The following FARS2 variants were observed in gnomAD, a reference collection of about 807,000 sequenced individuals.
FARS2 encodes the protein phenylalanyl-tRNA synthetase 2, mitochondrial.
Under a neutral mutation model 46.4 loss-of-function variants are expected in FARS2, and 40 were observed. That is an observed-to-expected ratio of 0.86 (90% confidence interval 0.67 to 1.12). The LOEUF is 1.12. FARS2 is among the 50% of genes most tolerant of loss of function. The pLI is 0.00. For missense variants in FARS2, 513 were observed against 567.9 expected (o/e 0.90, Z 0.98); for synonymous variants, 234 against 214.9 (o/e 1.09, Z -0.78).
intron 1 of FARS2, among the ~76,000 whole-genome samples, chr6:5,341,235 A>ATATATATATATTTTTT (rs1561970178): frequency 9.7e-5 from 1 of 10,274 alleles, no homozygotes; most frequent in Non-Finnish European, 2.0e-4. Flanking sequence ...ATATATATAT[A>ATATATATATATTTTTT]TTTTTTTTTT....
At chr6:5,561,548 T>C (rs1284225268) in intron 5 of FARS2, among the ~76,000 whole-genome samples, 1 of 152,196 alleles carries the variant, frequency 6.6e-6, no homozygotes. Context: ...TCTTTGTAGA[T>C]AATAATGCCT....
rs1397577861 is a variant in FARS2, at chr6:5,366,758, T to A, written c.-21-1792T>A. On this transcript the variant is annotated intron_variant, in intron 1 of 6. Coordinates refer to ENST00000274680, the MANE Select transcript of FARS2 (RefSeq NM_006567.5). ...CACCTTTCCGAGAACAATTCTGAACTTTGTCTAACACATATGCCTTTGGGA... is the reference window on the plus strand; with the variant it reads ...CACCTTTCCGAGAACAATTCTGAACATTGTCTAACACATATGCCTTTGGGA... 2.0e-5 allele frequency among the ~76,000 whole-genome samples: 3 copies of A among 152,208 alleles called. 1 individual carries two copies. Among genetic ancestry groups the A allele is most frequent in the Non-Finnish European group, 4.4e-5 (3 of 68,032 alleles).
At position 5,592,373 on chromosome 6, in the gene FARS2, G is replaced by C. The variant is rs146227814; in HGVS notation, c.1066-20796G>C. Among the ~76,000 whole-genome samples the C allele has an allele frequency of 5.1e-3, 763 of 149,754 alleles. 5 individuals carry two copies. Among genetic ancestry groups the C allele is most frequent in the African/African-American group, 0.017 (695 of 40,786 alleles). On this transcript the variant is annotated intron_variant, in intron 5 of 6. Coordinates refer to ENST00000274680, the MANE Select transcript of FARS2 (RefSeq NM_006567.5). ...TATACTCCAGCCTGTGTGACAGAGC[G>C]AGACCTTGTCTCCAAAAAAAAAAAA... is the stretch of plus-strand genomic sequence containing the variant.
chr6:5,404,205 G>A lies in FARS2; in HGVS notation c.613-337G>A, dbSNP rs568976520. On this transcript the variant is annotated intron_variant, in intron 2 of 6. Transcript: ENST00000274680. ...TGGGATGGTCAGGGATGTAATTTTA[G>A]AATATGAAAGCGATTCACTAGTATT... 2.0e-3 allele frequency among the ~76,000 whole-genome samples: 305 copies of A among 152,288 alleles called. 2 individuals carry two copies. The highest frequency in any genetic ancestry group is 3.4e-3 in the Middle Eastern group (1 of 294).
chr6:5,594,504 C>T (rs569959962), intron 5 of FARS2, among the ~76,000 whole-genome samples: 1 of 152,186 alleles, frequency 6.6e-6, no homozygotes, highest in East Asian at 1.9e-4. Flanking sequence ...GTTTTTAATA[C>T]AGAGAATTTA....
chr6:5,575,008 T>C (rs552724277), intron 5 of FARS2, among the ~76,000 whole-genome samples: 2 of 152,296 alleles, frequency 1.3e-5, no homozygotes, highest in Admixed American at 1.3e-4. Context: ...ACCCAAGTTG[T>C]TCAAGGGTGA....
chr6:5,718,634 C>T (rs1582824925), intron 6 of FARS2, among the ~76,000 whole-genome samples: 1 of 152,090 alleles, frequency 6.6e-6, no homozygotes, highest in Admixed American at 6.5e-5. Flanking sequence ...ACCAAAGCCT[C>T]TTTTACCTAA....
intron 6 of FARS2, among the ~76,000 whole-genome samples, chr6:5,711,727 A>G (rs776257961): frequency 2.0e-4 from 30 of 152,248 alleles, no homozygotes; most frequent in Non-Finnish European, 3.2e-4. Context: ...ACCCAAACCA[A>G]GGGAAGTCTG....
chr6:5,685,279 C>G (rs1757108210), intron 6 of FARS2, among the ~76,000 whole-genome samples: 1 of 152,156 alleles, frequency 6.6e-6, no homozygotes, highest in Admixed American at 6.5e-5. Flanking sequence ...TATTTTTGAG[C>G]CAGGTACAGG....
intron 1 of FARS2, among the ~76,000 whole-genome samples, chr6:5,310,827 T>C (rs893553227): frequency 6.6e-6 from 1 of 152,068 alleles, no homozygotes; most frequent in Non-Finnish European, 1.5e-5. Context: ...ATCCTGAAAA[T>C]AGAGAAATGT....
chr6:5,622,439 G>C (rs766525141), intron 6 of FARS2, among the ~76,000 whole-genome samples: 1 of 152,194 alleles, frequency 6.6e-6, no homozygotes, highest in Non-Finnish European at 1.5e-5. Context: ...TTGAATGTTT[G>C]TGTTCCTCCA....
chr6:5,718,460 A>G (rs554285429), intron 6 of FARS2, among the ~76,000 whole-genome samples: 1 of 152,264 alleles, frequency 6.6e-6, no homozygotes. Flanking sequence ...TGTTGGCGGC[A>G]TTTTTGCTGA....
intron 1 of FARS2, among the ~76,000 whole-genome samples, chr6:5,304,136 T>A (rs539487965): frequency 6.6e-6 from 1 of 152,276 alleles, no homozygotes; most frequent in East Asian, 1.9e-4. Context: ...TACAAAAAGC[T>A]TAGAAATAAA....
chr6:5,266,539 A>C (rs1765561793), intron 1 of FARS2, among the ~76,000 whole-genome samples: 1 of 152,094 alleles, frequency 6.6e-6, no homozygotes, highest in Non-Finnish European at 1.5e-5. Flanking sequence ...AATGAAGCTG[A>C]GAGTTTATTT....
At chr6:5,365,762 T>G (rs1183393856) in intron 1 of FARS2, among the ~76,000 whole-genome samples, 1 of 152,172 alleles carries the variant, frequency 6.6e-6, no homozygotes, top group Non-Finnish European at 1.5e-5. Context: ...AACTGGAGGC[T>G]TTACTGATAA....
chr6:5,431,024 C>T lies in FARS2; in HGVS notation c.773-17C>T, dbSNP rs911419325. ...GCTATTTAACACTACTTATTTGTTT[C>T]TTTGGCAACTTTGCAGAGCTGGAGA... On this transcript the variant is annotated splice_polypyrimidine_tract_variant and intron_variant, in intron 3 of 6. Transcript: ENST00000274680. 1 of 1,611,678 alleles carries T rather than the reference C, an allele frequency of 6.2e-7. No homozygotes were observed. Among genetic ancestry groups the T allele is most frequent in the African/African-American group, 1.3e-5 (1 of 74,998 alleles).
intron 5 of FARS2, among the ~76,000 whole-genome samples, chr6:5,558,269 C>A (rs1771782412): frequency 6.6e-6 from 1 of 152,030 alleles, no homozygotes; most frequent in Non-Finnish European, 1.5e-5. Flanking sequence ...CATGGGCACA[C>A]CTGAGATGTG....
intron 4 of FARS2, among the ~76,000 whole-genome samples, chr6:5,515,141 A>G (rs1768710388): frequency 6.6e-6 from 1 of 152,160 alleles, no homozygotes; most frequent in African/African-American, 2.4e-5. Flanking sequence ...AAATAATAGC[A>G]AATAGTAAAA....
intron 2 of FARS2, among the ~76,000 whole-genome samples, chr6:5,389,903 C>T (rs1394977213): frequency 6.6e-6 from 1 of 152,116 alleles, no homozygotes; most frequent in Non-Finnish European, 1.5e-5. Flanking sequence ...GTCTCTCTGT[C>T]ACCCAAGCTG....
Sources: gnomAD v4.1 joint callset for allele counts (sites outside exome capture counted in the v4.1 genomes callset) on GRCh38, gnomAD v4.1.1 for gene constraint, MANE v1.5 for transcripts, NCBI Gene and HGNC (gene_info 2026-07-23, HGNC 2026-07-21) for gene names.